The following SPTBN5 variants were observed in gnomAD, a reference collection of about 807,000 sequenced individuals.
The protein encoded by SPTBN5 is spectrin beta, non-erythrocytic 5.
SPTBN5 carries 513 observed loss-of-function variants against 477.6 expected under a neutral mutation model. The ratio of observed to expected loss-of-function variants is 1.07; its 90% confidence interval spans 1.00 to 1.16. The LOEUF is 1.16. Ranked by LOEUF, SPTBN5 falls within the 50% of genes most tolerant of loss-of-function variation. The pLI is 0.00. For synonymous variants in SPTBN5, 2,169 were observed against 2,011.7 expected, an observed-to-expected ratio of 1.08 and a Z score of -2.09; for missense variants, 5,062 against 4,731.8, an observed-to-expected ratio of 1.07 and a Z score of -2.05.
In SPTBN5 at chr15:41,855,530, TGG is replaced by T; in HGVS notation, c.9218+17_9218+18del. ...GGGCTTCTCTCTGCTCCTTCGCGGA[TGG>T]TGTGGCTTCCGCCCACCTTTCTGGG... On this transcript the variant is annotated intron_variant, in intron 54 of 67. Coordinates refer to ENST00000320955, the MANE Select transcript of SPTBN5 (RefSeq NM_016642.4). 1.2e-6 allele frequency: 2 copies of T among 1,605,058 alleles called. No individual in the cohort carries two copies. The highest frequency in any genetic ancestry group is 1.7e-6 in the Non-Finnish European group (2 of 1,174,286).
rs559280272 is a variant in SPTBN5 at position 41,849,941 on chromosome 15, T to A, written c.10940A>T (p.Lys3647Ile). ...AGAGCTGACAGGTTTGGCTTTGAGT[T>A]TTGGGCTCAGACTCTGGGCTGCAGA... ...GSTAAQSLSP[K>I]LKAKPVSSLN... is the part of the protein sequence containing the mutation. The change falls in exon 67 of 68, where the codon AAA becomes ATA. Residue 3647 changes from lysine to isoleucine, a missense_variant. Lys to Ile is a moderately radical substitution (Grantham distance 102, BLOSUM62 -3). Coordinates refer to ENST00000320955, the MANE Select transcript of SPTBN5 (RefSeq NM_016642.4). 6.3e-7 allele frequency: 1 copy of A among 1,594,898 alleles called. No individual in the cohort carries two copies. The highest frequency in any genetic ancestry group is 8.5e-7 in the Non-Finnish European group (1 of 1,170,480).
At chr15:41,869,276 C>G (rs914383811) in intron 32 of SPTBN5, among the ~76,000 whole-genome samples, 3 of 152,200 alleles carry the variant, frequency 2.0e-5, no homozygotes, top group African/African-American at 7.2e-5. Context: ...AAACTCAAGC[C>G]TTTTTGCAGT....
At position 41,855,684 on chromosome 15, in the gene SPTBN5, C is replaced by T. The variant is rs1461479428; in HGVS notation, c.9083G>A (p.Gly3028Asp). Residue 3028 changes from glycine (G) to aspartate (D), a missense_variant, in exon 54 of 68, where the codon GGC (glycine) becomes GAC (aspartate). Physicochemically the swap from Gly to Asp is moderately conservative, Grantham distance 94. Transcript: ENST00000320955. ...RGHVLDSEDM[G>D]HSAEATQALL... Reference sequence around the variant, plus strand: ...GGCCTGTGTGGCTTCAGCACTGTGGCCCATGTCCTCGCTGTCCAGGACATG... The same window carrying T: ...GGCCTGTGTGGCTTCAGCACTGTGGTCCATGTCCTCGCTGTCCAGGACATG... The T allele has an allele frequency of 6.2e-7, 1 of 1,602,994 alleles. No individual in the cohort carries two copies. Among genetic ancestry groups the T allele is most frequent in the Non-Finnish European group, 8.5e-7 (1 of 1,176,906 alleles).
Position 41,871,441 on chromosome 15 carries a change from G to C in SPTBN5, c.5381C>G (p.Ala1794Gly), listed in dbSNP as rs769235040. Residue 1794 changes from alanine (A) to glycine (G), a missense_variant, in exon 29 of 68, where the codon GCG becomes GGG. Transcript: ENST00000320955. Reference sequence around the variant, plus strand: ...GTGCCCACGCTCTAGCAGGCTCTCCGCCAGCAGCCGGCAGGCGGCCACCCG... The same window carrying C: ...GTGCCCACGCTCTAGCAGGCTCTCCCCCAGCAGCCGGCAGGCGGCCACCCG... The part of the protein sequence containing the change: ...SQRVAACRLL[A>G]ESLLERGHSA... The C allele has an allele frequency of 6.5e-7, 1 of 1,540,772 alleles. No individual in the cohort carries two copies. The highest frequency in any genetic ancestry group is 8.8e-7 in the Non-Finnish European group (1 of 1,142,332).
At chr15:41,887,062 G>T in intron 6 of SPTBN5, 151 bp downstream of exon 6, 1 of 710,414 alleles carries the variant, frequency 1.4e-6, no homozygotes. Context: ...CTGTTATCCA[G>T]GCATCATCAT....
chr15:41,855,038 T>C, intron 55 of SPTBN5, 62 bp from the exon 56 acceptor site: 6 of 1,493,084 alleles, frequency 4.0e-6, no homozygotes, highest in South Asian at 2.7e-5. Flanking sequence ...TCAAAGCTCA[T>C]GAAGAGCTCA....
intron 67 of SPTBN5, 37 bp from the exon 68 acceptor site, chr15:41,848,665 C>T (rs1266641411): frequency 1.2e-6 from 2 of 1,612,888 alleles, no homozygotes; most frequent in East Asian, 2.2e-5. Flanking sequence ...TAGGGTATGG[C>T]CACCCCAGAA....
Position 41,853,414 on chromosome 15 carries a change from G to T in SPTBN5, c.10014C>A (p.Ser3338=), listed in dbSNP as rs778125157. The change falls in exon 59 of 68, where the codon TCC becomes TCA. Residue 3338 remains serine (S), a synonymous_variant. Transcript: ENST00000320955. ...AWAQERQELA[S]SEELAEDVAG... is the part of the protein sequence containing the mutation. ...CCACGTCCTCAGCCAGCTCCTCGGA[G>T]GACGCCAGCTCCTGCCTCTCCTGTG... 5.6e-6 allele frequency: 9 copies of T among 1,598,004 alleles called. 1 individual carries two copies. The South Asian group carries it at 8.9e-5, about 16-fold the overall frequency.
chr15:41,893,260 G>T (rs1169748717), intron 2 of SPTBN5, 22 bp downstream of exon 2: 1 of 1,613,524 alleles, frequency 6.2e-7, no homozygotes, highest in Non-Finnish European at 8.5e-7. Context: ...GTGGGCTGTG[G>T]GTCACAGCTG....
chr15:41,848,932 C>T (rs1452159002), intron 67 of SPTBN5, among the ~76,000 whole-genome samples: 1 of 152,196 alleles, frequency 6.6e-6, no homozygotes, highest in Non-Finnish European at 1.5e-5. Flanking sequence ...CCACTGTGTC[C>T]AGGACAAGGC....
Position 41,893,154 on chromosome 15 carries a change from T to C in SPTBN5, c.217-93A>G, listed in dbSNP as rs2067366825. ...AGAGGTACGACCCAGAGCAGCTGCT[T>C]TGGAAGAAGGAGCTCTGGCCTCAGC... On this transcript the variant is annotated intron_variant, in intron 2 of 67. Coordinates refer to ENST00000320955, the MANE Select transcript of SPTBN5 (RefSeq NM_016642.4). The C allele has an allele frequency of 3.8e-6, 6 of 1,567,134 alleles. No individual in the cohort carries two copies. The Admixed American group carries it at 7.5e-5, about 19-fold the overall frequency.
Position 41,877,327 on chromosome 15 carries a change from G to A in SPTBN5, c.3500C>T (p.Pro1167Leu), listed in dbSNP as rs2066775843. Residue 1167 changes from proline to leucine, a missense_variant, in exon 18 of 68, where the codon CCC becomes CTC. Transcript: ENST00000320955. ...GTCTGGGCAGTCCAAGGCTGCCATGGGCTGGCTCTGAGCGTCCAGCTGCTG... is the reference window on the plus strand; with the variant it reads ...GTCTGGGCAGTCCAAGGCTGCCATGAGCTGGCTCTGAGCGTCCAGCTGCTG... ...RLQQLDAQSQPMAALDCPDSQ... is the reference protein window; with the variant it reads ...RLQQLDAQSQLMAALDCPDSQ... 3.1e-6 allele frequency: 5 copies of A among 1,609,864 alleles called. No individual in the cohort carries two copies. The highest frequency in any genetic ancestry group is 3.4e-6 in the Non-Finnish European group (4 of 1,178,130).
In SPTBN5 at chr15:41,848,425, T is replaced by G. The variant is rs566099939; in HGVS notation, c.*191A>C. ...AGGAATGCAGGGGGAGGCCAGGCAA[T>G]GGCTGTTTCCTGCCACATGGTAGGA... is the stretch of plus-strand genomic sequence containing the variant. On this transcript the variant is annotated 3_prime_UTR_variant, in exon 68 of 68. Coordinates refer to ENST00000320955, the MANE Select transcript of SPTBN5 (RefSeq NM_016642.4). 1.5e-6 allele frequency: 1 copy of G among 670,194 alleles called. No individual in the cohort carries two copies. The highest frequency in any genetic ancestry group is 1.8e-5 in the South Asian group (1 of 56,652). The allele number at this position is 670,194 out of a possible 1,614,324, so 41.5% of individuals were successfully genotyped here.
At chr15:41,850,127 C>T in intron 66 of SPTBN5, 168 bp from the exon 67 acceptor site, 2 of 618,298 alleles carry the variant, frequency 3.2e-6, no homozygotes, top group Non-Finnish European at 5.8e-6. Flanking sequence ...CACTTGTGGG[C>T]AGGTTTTTCC....
At position 41,871,435 on chromosome 15, in the gene SPTBN5, C is replaced by A; in HGVS notation, c.5387G>T (p.Ser1796Ile). The change falls in exon 29 of 68, where the codon AGC becomes ATC. Residue 1796 changes from serine (S) to isoleucine (I), a missense_variant. Coordinates refer to ENST00000320955, the MANE Select transcript of SPTBN5 (RefSeq NM_016642.4). ...RVAACRLLAE[S>I]LLERGHSAGP... The stretch of plus-strand genomic sequence containing the variant: ...AGCACTGTGCCCACGCTCTAGCAGG[C>A]TCTCCGCCAGCAGCCGGCAGGCGGC... The A allele has an allele frequency of 6.5e-7, 1 of 1,543,788 alleles. No individual in the cohort carries two copies. Among genetic ancestry groups the A allele is most frequent in the Non-Finnish European group, 8.7e-7 (1 of 1,143,780 alleles).
At chr15:41,862,054 G>C in intron 44 of SPTBN5, 76 bp downstream of exon 44, 1 of 1,496,088 alleles carries the variant, frequency 6.7e-7, no homozygotes, top group East Asian at 2.5e-5. Context: ...AGGCCCAAGA[G>C]CAAGGAGATG....
rs1227949777 is a variant in SPTBN5 at position 41,857,355 on chromosome 15, G to A, written c.8504C>T (p.Ala2835Val). Residue 2835 changes from alanine (A) to valine (V), a missense_variant, in exon 51 of 68, where the codon GCA becomes GTA. Physicochemically the swap from Ala to Val is moderately conservative, Grantham distance 64. Coordinates refer to ENST00000320955, the MANE Select transcript of SPTBN5 (RefSeq NM_016642.4). Reference sequence around the variant, plus strand: ...AGCCTGCCTGGCCTTCTTGTCCACTGCTGCCTCCAGCTCCCTCTGTGTGCC... The same window carrying A: ...AGCCTGCCTGGCCTTCTTGTCCACTACTGCCTCCAGCTCCCTCTGTGTGCC... The part of the protein sequence containing the change: ...LLGTQRELEA[A>V]VDKKARQAEA... 1 of 1,573,446 alleles carries A rather than the reference G, an allele frequency of 6.4e-7. No homozygotes were observed. Among genetic ancestry groups the A allele is most frequent in the South Asian group, 1.2e-5 (1 of 85,926 alleles).
At chr15:41,849,142 C>G (rs989937484) in intron 67 of SPTBN5, among the ~76,000 whole-genome samples, 1 of 152,218 alleles carries the variant, frequency 6.6e-6, no homozygotes, top group Non-Finnish European at 1.5e-5. Flanking sequence ...TGTCTCCAGT[C>G]CCTCCTCCAC....
chr15:41,856,639 C>A, intron 52 of SPTBN5, 41 bp from the exon 53 acceptor site: 1 of 1,509,314 alleles, frequency 6.6e-7, no homozygotes. Context: ...GTTGCTGACC[C>A]TTGGGGGACT....
Sources: allele counts gnomAD v4.1 joint callset (sites outside exome capture counted in the v4.1 genomes callset), GRCh38; gene constraint gnomAD v4.1.1; transcripts MANE v1.5; gene names NCBI Gene and HGNC (gene_info 2026-07-23, HGNC 2026-07-21).